The following NKAIN2 variants were observed in gnomAD, a reference collection of about 807,000 sequenced individuals.
The protein encoded by NKAIN2 is sodium/potassium-transporting ATPase subunit beta-1-interacting protein 2.
In NKAIN2, 14 loss-of-function variants were observed where a neutral mutation model predicts 32.6. That is an observed-to-expected ratio of 0.43 (90% CI 0.28 to 0.67). The LOEUF (loss-of-function observed/expected upper bound fraction) is 0.67, where lower values mean the gene tolerates loss of function less well. Ranked by LOEUF, NKAIN2 falls within the 30% of genes least tolerant of loss-of-function variation. The pLI is 0.17. For missense variants in NKAIN2, 198 were observed against 258.3 expected, an observed-to-expected ratio of 0.77 and a Z score of 1.60; for synonymous variants, 80 against 87.2, an observed-to-expected ratio of 0.92 and a Z score of 0.46.
intron 4 of NKAIN2, among the ~76,000 whole-genome samples, chr6:124,745,184 T>A (rs1341256212): frequency 1.3e-5 from 2 of 151,866 alleles, no homozygotes; most frequent in African/African-American, 4.8e-5. Context: ...AGGAATTTAA[T>A]CAAAACTAGA....
At chr6:123,932,481 A>G (rs1050552162) in intron 1 of NKAIN2, among the ~76,000 whole-genome samples, 1 of 139,610 alleles carries the variant, frequency 7.2e-6, no homozygotes. Context: ...CAGTGGTGCA[A>G]TCTTGGCTCA....
At chr6:124,218,807 A>T (rs1319436678) in intron 1 of NKAIN2, among the ~76,000 whole-genome samples, 1 of 152,202 alleles carries the variant, frequency 6.6e-6, no homozygotes, top group African/African-American at 2.4e-5. Context: ...TCCTGGTGAC[A>T]GCTATAAATT....
chr6:124,299,174 A>C (rs1272619501), intron 2 of NKAIN2, among the ~76,000 whole-genome samples: 1 of 152,212 alleles, frequency 6.6e-6, no homozygotes, highest in Non-Finnish European at 1.5e-5. Context: ...AGAAAGAAGC[A>C]GCAGCCACAG....
intron 3 of NKAIN2, among the ~76,000 whole-genome samples, chr6:124,491,337 T>G (rs1385751132): frequency 6.6e-6 from 1 of 151,958 alleles, no homozygotes; most frequent in East Asian, 1.9e-4. Flanking sequence ...TTCTTTGTTT[T>G]GTCCTTGGAT....
chr6:124,617,938 A>C (rs567539156), intron 3 of NKAIN2, among the ~76,000 whole-genome samples: 93 of 152,356 alleles, frequency 6.1e-4, no homozygotes, highest in African/African-American at 2.2e-3. Context: ...TGCTTAAGGA[A>C]CAGTTTAATT....
chr6:124,108,062 T>G (rs184722723), intron 1 of NKAIN2, among the ~76,000 whole-genome samples: 1 of 152,124 alleles, frequency 6.6e-6, no homozygotes, highest in Non-Finnish European at 1.5e-5. Flanking sequence ...ATATTTGGAT[T>G]GTTTGGTACT....
At chr6:124,301,739 T>C (rs1490266994) in intron 2 of NKAIN2, among the ~76,000 whole-genome samples, 2 of 152,206 alleles carry the variant, frequency 1.3e-5, no homozygotes, top group Non-Finnish European at 2.9e-5. Flanking sequence ...ATGGGGCCTG[T>C]AGCCCCTTCA....
chr6:124,426,478 G>C (rs562063142), intron 3 of NKAIN2, among the ~76,000 whole-genome samples: 82 of 152,076 alleles, frequency 5.4e-4, no homozygotes, highest in Non-Finnish European at 1.1e-3. Flanking sequence ...ACCCTCAAAA[G>C]TTAAGAATTA....
chr6:124,592,826 G>A (rs147724588), intron 3 of NKAIN2, among the ~76,000 whole-genome samples: 10 of 152,256 alleles, frequency 6.6e-5, no homozygotes, highest in East Asian at 1.9e-4. Flanking sequence ...ATAGTATTCC[G>A]TGTAGAGTCC....
chr6:124,561,297 A>G (rs1780682788), intron 3 of NKAIN2, among the ~76,000 whole-genome samples: 2 of 152,222 alleles, frequency 1.3e-5, no homozygotes. Context: ...TATACAGTGT[A>G]TATAAATATC....
intron 4 of NKAIN2, among the ~76,000 whole-genome samples, chr6:124,716,686 C>T (rs1215747396): frequency 6.6e-6 from 1 of 152,162 alleles, no homozygotes; most frequent in Non-Finnish European, 1.5e-5. Flanking sequence ...AGCACCTGCC[C>T]TTCCCGCTGA....
At chr6:123,870,704 C>A (rs536798130) in intron 1 of NKAIN2, among the ~76,000 whole-genome samples, 1 of 152,098 alleles carries the variant, frequency 6.6e-6, no homozygotes, top group Admixed American at 6.6e-5. Context: ...ACTCCTTCAC[C>A]TATTCATTAG....
chr6:123,900,696 T>C (rs943377594), intron 1 of NKAIN2, among the ~76,000 whole-genome samples: 23 of 151,788 alleles, frequency 1.5e-4, no homozygotes, highest in African/African-American at 5.3e-4. Flanking sequence ...ATTTGGAGAA[T>C]AGTTTCTCTA....
chr6:123,834,066 T>G (rs1039401691), intron 1 of NKAIN2, among the ~76,000 whole-genome samples: 3 of 151,934 alleles, frequency 2.0e-5, no homozygotes, highest in African/African-American at 7.2e-5. Context: ...TGTTCATAGC[T>G]GGTATGTAAG....
At chr6:124,172,916 T>G (rs1788966651) in intron 1 of NKAIN2, among the ~76,000 whole-genome samples, 1 of 152,170 alleles carries the variant, frequency 6.6e-6, no homozygotes, top group South Asian at 2.1e-4. Context: ...TTCCTTATCC[T>G]GTACCACATG....
At chr6:123,979,627 A>G (rs1182219083) in intron 1 of NKAIN2, among the ~76,000 whole-genome samples, 1 of 152,212 alleles carries the variant, frequency 6.6e-6, no homozygotes, top group Non-Finnish European at 1.5e-5. Context: ...CAATACAACT[A>G]TCATTAAAAA....
intron 4 of NKAIN2, among the ~76,000 whole-genome samples, chr6:124,693,636 C>T (rs1211971806): frequency 6.6e-6 from 1 of 152,066 alleles, no homozygotes; most frequent in Non-Finnish European, 1.5e-5. Context: ...TCTGTCTGAG[C>T]CTTGAAGGCT....
At chr6:124,025,447 A>G (rs1781063337) in intron 1 of NKAIN2, among the ~76,000 whole-genome samples, 1 of 126,066 alleles carries the variant, frequency 7.9e-6, no homozygotes. Context: ...ATGAGAAGCA[A>G]TGAATGGAAA....
chr6:124,773,238 A>G (rs561370878), intron 4 of NKAIN2, among the ~76,000 whole-genome samples: 1 of 152,286 alleles, frequency 6.6e-6, no homozygotes, highest in South Asian at 2.1e-4. Context: ...TTGTGGAATA[A>G]AAGACACACA....
Sources: gnomAD v4.1 joint callset for allele counts (sites outside exome capture counted in the v4.1 genomes callset) on GRCh38, gnomAD v4.1.1 for gene constraint, MANE v1.5 for transcripts, NCBI Gene and HGNC (gene_info 2026-07-23, HGNC 2026-07-21) for gene names.